The following IQCK variants were observed in gnomAD, a reference collection of about 807,000 sequenced individuals.
IQCK encodes the protein IQ motif containing K, also known as IQ domain-containing protein K.
A neutral mutation model predicts 28.1 loss-of-function variants in IQCK; 29 were observed. The ratio of observed to expected loss-of-function variants is 1.03; its 90% CI spans 0.77 to 1.41. IQCK has a LOEUF of 1.41. IQCK is among the 40% of genes most tolerant of loss of function. IQCK has a pLI of 0.00. For missense variants in IQCK, 359 were observed against 314.7 expected, an observed-to-expected ratio of 1.14 and a Z score of -1.07; for synonymous variants, 113 against 115.1, an observed-to-expected ratio of 0.98 and a Z score of 0.12.
chr16:19,852,430 C>T (rs60571365), intron 9 of IQCK, among the ~76,000 whole-genome samples: 1 of 146,480 alleles, frequency 6.8e-6, no homozygotes, highest in Non-Finnish European at 1.5e-5. Flanking sequence ...AACAAACAAA[C>T]AAACAGAACA....
intron 4 of IQCK, among the ~76,000 whole-genome samples, chr16:19,742,696 G>A (rs1223020969): frequency 6.6e-6 from 1 of 152,194 alleles, no homozygotes; most frequent in African/African-American, 2.4e-5. Context: ...TTTATATTAA[G>A]TTGCTCAAAA....
At chr16:19,816,448 AT>A (rs1217248986) in intron 7 of IQCK, among the ~76,000 whole-genome samples, 1 of 151,962 alleles carries the variant, frequency 6.6e-6, no homozygotes, top group African/African-American at 2.4e-5. Context: ...CACCCAGATA[AT>A]TTTTGTATTT....
chr16:19,735,367 T>C lies in IQCK; in HGVS notation c.391T>C (p.Tyr131His), dbSNP rs761035736. 2.5e-6 allele frequency: 4 copies of C among 1,613,640 alleles called. No individual in the cohort carries two copies. In the South Asian group the frequency reaches 4.4e-5, roughly 18 times the overall value. ...GTTTGTTTTAGGTTCTCCCAAAGAATATTTGGAAACTTTCATCTTTCCTGT... is the reference window on the plus strand; with the variant it reads ...GTTTGTTTTAGGTTCTCCCAAAGAACATTTGGAAACTTTCATCTTTCCTGT... The change falls in exon 4 of 8, where the codon TAT becomes CAT. Residue 131 changes from tyrosine to histidine, a missense_variant. Physicochemically the swap from Tyr to His is moderately conservative, Grantham distance 83 (BLOSUM62 2). Transcript: ENST00000564186.
At chr16:19,843,929 A>G (rs1276647520) in intron 9 of IQCK, among the ~76,000 whole-genome samples, 1 of 152,226 alleles carries the variant, frequency 6.6e-6, no homozygotes, top group Admixed American at 6.5e-5. Context: ...AGTCTGTAGC[A>G]TGGCTGAGTA....
chr16:19,763,805 G>GT (rs752418371), intron 4 of IQCK, 43 bp from the exon 5 acceptor site: 1 of 1,452,664 alleles, frequency 6.9e-7, no homozygotes, highest in East Asian at 2.3e-5. Context: ...AATCCATAGT[G>GT]TTTAAGGGTC....
At chr16:19,853,430 C>A (rs933501598) in intron 9 of IQCK, among the ~76,000 whole-genome samples, 3 of 152,112 alleles carry the variant, frequency 2.0e-5, no homozygotes, top group African/African-American at 7.2e-5. Context: ...AAGGTCAACA[C>A]GTAGGGAGTA....
At chr16:19,822,955 AAG>A (rs1239345155) in intron 7 of IQCK, among the ~76,000 whole-genome samples, 3 of 151,922 alleles carry the variant, frequency 2.0e-5, no homozygotes, top group African/African-American at 7.3e-5. Context: ...TAAAATTATT[AAG>A]AGAGTTGGAA....
chr16:19,733,853 A>G, intron 3 of IQCK, 26 bp downstream of exon 3: 1 of 1,613,388 alleles, frequency 6.2e-7, no homozygotes. Flanking sequence ...GCCATCTTTT[A>G]TAATTTGGGG....
At chr16:19,840,307 G>C (rs1177423181) in intron 9 of IQCK, among the ~76,000 whole-genome samples, 3 of 152,108 alleles carry the variant, frequency 2.0e-5, no homozygotes, top group Non-Finnish European at 2.9e-5. Flanking sequence ...AGTGAGCCAA[G>C]ATCGCACCAT....
intron 4 of IQCK, among the ~76,000 whole-genome samples, chr16:19,762,877 G>A (rs990852037): frequency 1.3e-5 from 2 of 152,108 alleles, no homozygotes; most frequent in Admixed American, 6.6e-5. Context: ...TTAGCCAGGC[G>A]TGGTGGTGTG....
chr16:19,734,459 CAAAAAAAAA>C (rs34178017), intron 3 of IQCK, among the ~76,000 whole-genome samples: 6 of 50,262 alleles, frequency 1.2e-4, no homozygotes, highest in African/African-American at 5.5e-5. Context: ...GACTCCATCA[CAAAAAAAAA>C]AAAAAAAAAA....
At chr16:19,750,151 G>A (rs895048419) in intron 4 of IQCK, among the ~76,000 whole-genome samples, 19 of 151,936 alleles carry the variant, frequency 1.3e-4, no homozygotes, top group African/African-American at 4.6e-4. Flanking sequence ...TTTTGAGATG[G>A]AGTGTCGCGC....
rs1027353783 is a variant in IQCK, at chr16:19,737,787, G to A, written c.474+2337G>A. Among the ~76,000 whole-genome samples the A allele has an allele frequency of 2.6e-5, 4 of 151,774 alleles. No homozygotes were observed. The East Asian group carries it at 7.7e-4, about 29-fold the overall frequency. On this transcript the variant is annotated intron_variant, in intron 4 of 7. Coordinates refer to ENST00000564186, the Ensembl canonical transcript of IQCK. ...ACCCTCCACCCAAGCAGAACCACTC[G>A]AAGTTCGCTGCACCAACCCCCACCT...
chr16:19,754,812 C>T (rs911643157), intron 4 of IQCK, among the ~76,000 whole-genome samples: 1 of 152,002 alleles, frequency 6.6e-6, no homozygotes, highest in African/African-American at 2.4e-5. Flanking sequence ...ATACCATCAG[C>T]TTTTGTTCGA....
In IQCK at chr16:19,825,060, C is replaced by A. The variant is rs147344993; in HGVS notation, c.691-1966C>A. 1.6e-4 allele frequency among the ~76,000 whole-genome samples: 25 copies of A among 152,294 alleles called. No individual in the cohort carries two copies. The East Asian group carries it at 4.1e-3, about 25-fold the overall frequency. ...CCTTATTGATCTTATTCCTGTGTCTCCTCCTACACTTTAAGTTTCTCAAAG... is the reference window on the plus strand; with the variant it reads ...CCTTATTGATCTTATTCCTGTGTCTACTCCTACACTTTAAGTTTCTCAAAG... On this transcript the variant is annotated intron_variant, in intron 7 of 7. Transcript: ENST00000564186. The surrounding 1 kb of genome is among the most constrained non-coding windows in gnomAD (Gnocchi z 4.2).
At chr16:19,834,743 T>C (rs1264457479) in intron 9 of IQCK, among the ~76,000 whole-genome samples, 1 of 152,224 alleles carries the variant, frequency 6.6e-6, no homozygotes, top group African/African-American at 2.4e-5. Context: ...CCAAATCCTC[T>C]GTCCATCTAC....
At chr16:19,759,072 T>C (rs1306584091) in intron 4 of IQCK, among the ~76,000 whole-genome samples, 1 of 152,220 alleles carries the variant, frequency 6.6e-6, no homozygotes, top group Non-Finnish European at 1.5e-5. Flanking sequence ...CAATTCCTAC[T>C]TGTAAATATC....
At chr16:19,763,756 A>T in intron 4 of IQCK, 92 bp from the exon 5 acceptor site, 4 of 989,672 alleles carry the variant, frequency 4.0e-6, no homozygotes, top group Non-Finnish European at 6.4e-6. Context: ...GTTAAGCTTT[A>T]TTGAAAAAAG....
intron 9 of IQCK, among the ~76,000 whole-genome samples, chr16:19,854,766 C>T (rs2056534044): frequency 6.6e-6 from 1 of 152,162 alleles, no homozygotes; most frequent in Admixed American, 6.5e-5. Flanking sequence ...CTCCCCCAAT[C>T]CCTGGGGAGC....
Sources: gnomAD v4.1 joint callset for allele counts (sites outside exome capture counted in the v4.1 genomes callset) on GRCh38, gnomAD v4.1.1 for gene constraint, Gnocchi (gnomAD v3.1) non-coding constraint, MANE v1.5 for transcripts, NCBI Gene and HGNC (gene_info 2026-07-23, HGNC 2026-07-21) for gene names.